The following FBH1 variants were observed in gnomAD, a reference collection of about 807,000 sequenced individuals.
FBH1 encodes the protein F-box DNA helicase 1.
Under a neutral mutation model 115.5 loss-of-function variants are expected in FBH1, and 43 were observed. The ratio of observed to expected loss-of-function variants is 0.37; its 90% CI spans 0.29 to 0.48. The LOEUF is 0.48. Ranked by LOEUF, FBH1 falls within the 20% of genes least tolerant of loss-of-function variation. The pLI is 0.99. For synonymous variants in FBH1, 524 were observed against 507.8 expected (o/e 1.03, Z -0.43); for missense variants, 1,001 against 1,337.3 (o/e 0.75, Z 3.92).
At chr10:5,892,023 A>G (rs1292731409) in intron 1 of FBH1, among the ~76,000 whole-genome samples, 2 of 152,142 alleles carry the variant, frequency 1.3e-5, no homozygotes, top group Non-Finnish European at 2.9e-5. Flanking sequence ...CCCCCTTTGG[A>G]TAACTAAATG....
At chr10:5,891,016 C>A in intron 1 of FBH1, 1 of 264,548 alleles carries the variant, frequency 3.8e-6, no homozygotes, top group Non-Finnish European at 5.9e-6. Flanking sequence ...TTTTTTATTG[C>A]AGTCTGTGGT....
At chr10:5,899,046 ACCTCTTCTAT>A (rs1843176883) in intron 1 of FBH1, among the ~76,000 whole-genome samples, 1 of 152,186 alleles carries the variant, frequency 6.6e-6, no homozygotes, top group Admixed American at 6.5e-5. Flanking sequence ...ATGTGTAGGT[ACCTCTTCTAT>A]ACAAATCTGC....
intron 1 of FBH1, among the ~76,000 whole-genome samples, chr10:5,901,774 G>GGTCTTGA (rs1843361906): frequency 6.6e-6 from 1 of 151,868 alleles, no homozygotes; most frequent in Non-Finnish European, 1.5e-5. Context: ...CATGTTGCCA[G>GGTCTTGA]GCTGGTCTTG....
rs1833059145 is a variant in FBH1 at position 5,933,151 on chromosome 10, G to A, written c.2830-3305G>A. 6.6e-6 allele frequency among the ~76,000 whole-genome samples: 1 copy of A among 152,122 alleles called. No individual in the cohort carries two copies. Among genetic ancestry groups the A allele is most frequent in the South Asian group, 2.1e-4 (1 of 4,832 alleles). On this transcript the variant is annotated intron_variant, in intron 19 of 20. Transcript: ENST00000362091. This position sits in a 1 kb window ranked among gnomAD's most constrained non-coding sequence, Gnocchi z 4.9. ...ACCTGTAATCCCAGTACTTTGGGAG[G>A]CCTAGGAGGGCGGATCACTTGATGT...
intron 2 of FBH1, among the ~76,000 whole-genome samples, chr10:5,904,685 A>AC (rs1473166883): frequency 6.6e-6 from 1 of 152,048 alleles, no homozygotes; most frequent in Non-Finnish European, 1.5e-5. Flanking sequence ...ACATAATGAG[A>AC]CCCCGTCTCT....
chr10:5,909,397 G>T lies in FBH1; in HGVS notation c.1020+103G>T. 1.5e-6 allele frequency: 2 copies of T among 1,327,578 alleles called. No homozygotes were observed. The highest frequency in any genetic ancestry group is 2.0e-6 in the Non-Finnish European group (2 of 989,830). 82.2% of individuals were successfully genotyped at this position (1,327,578 alleles called of 1,614,324 possible). A position where few individuals can be genotyped will look rare whatever the true frequency, so the allele number is the denominator to read the frequency against. ...GGATGACTTTATATTTATTTTTAAT[G>T]TCTGTATTTAATCTCTGAATGCTTT... On this transcript the variant is annotated intron_variant, in intron 5 of 20. Transcript: ENST00000362091. The surrounding 1 kb of genome is among the most constrained non-coding windows in gnomAD (Gnocchi z 4.4).
rs1221523973 is a variant in FBH1 at position 5,909,371 on chromosome 10, A to C, written c.1020+77A>C. ...GTGTACTGGTGATTCAGTTCAATTG[A>C]GGATGACTTTATATTTATTTTTAAT... On this transcript the variant is annotated intron_variant, in intron 5 of 20. Coordinates refer to ENST00000362091, the MANE Select transcript of FBH1 (RefSeq NM_178150.3). This position sits in a 1 kb window ranked among gnomAD's most constrained non-coding sequence, Gnocchi z 4.4. The C allele has an allele frequency of 1.9e-5, 28 of 1,472,148 alleles. No individual in the cohort carries two copies. In the South Asian group the frequency reaches 3.2e-4, roughly 17 times the overall value. 91.2% of individuals were successfully genotyped at this position (1,472,148 alleles called of 1,614,324 possible).
Position 5,915,399 on chromosome 10 carries a change from C to T in FBH1, c.1397-4C>T. 8.7e-6 allele frequency: 14 copies of T among 1,613,994 alleles called. No individual in the cohort carries two copies. Among genetic ancestry groups the T allele is most frequent in the Non-Finnish European group, 1.1e-5 (13 of 1,179,928 alleles). On this transcript the variant is annotated splice_region_variant and splice_polypyrimidine_tract_variant and intron_variant, in intron 8 of 20. Coordinates refer to ENST00000362091, the MANE Select transcript of FBH1 (RefSeq NM_178150.3). The surrounding 1 kb of genome is among the most constrained non-coding windows in gnomAD (Gnocchi z 5.2). ...GTCACCTCCTTTCCTCCTGGCTTCC[C>T]CAGGCACTGGGAAGACCTCAACGCT...
chr10:5,913,906 A>T lies in FBH1; in HGVS notation c.1304+67A>T. On this transcript the variant is annotated intron_variant, in intron 7 of 20. Transcript: ENST00000362091. The surrounding 1 kb of genome is among the most constrained non-coding windows in gnomAD (Gnocchi z 4.4). ...GACTCTTCCTCATACTTAAGGAGGG[A>T]GATGTTTTGCTTCACTTTAGCAACA... 2.3e-6 allele frequency: 3 copies of T among 1,280,506 alleles called. No homozygotes were observed. Among genetic ancestry groups the T allele is most frequent in the Non-Finnish European group, 2.2e-6 (2 of 901,550 alleles). The allele number at this position is 1,280,506 out of a possible 1,614,324, so 79.3% of individuals were successfully genotyped here.
At chr10:5,926,270 C>A (rs58322448) in intron 18 of FBH1, among the ~76,000 whole-genome samples, 12,569 of 152,164 alleles carry the variant, frequency 0.083, 585 homozygotes, top group Middle Eastern at 0.12. Flanking sequence ...CGTGCCACCA[C>A]GCCCAGCTAA....
Position 5,925,105 on chromosome 10 carries a change from C to T in FBH1, c.2597-262C>T, listed in dbSNP as rs547497097. ...TAGATCCAGACGGTGGGTGGAGCCA[C>T]TCTGTCCTCTGGGATGTGATTCCGA... On this transcript the variant is annotated intron_variant, in intron 17 of 20. Coordinates refer to ENST00000362091, the MANE Select transcript of FBH1 (RefSeq NM_178150.3). This position sits in a 1 kb window ranked among gnomAD's most constrained non-coding sequence, Gnocchi z 4.6. Among the ~76,000 whole-genome samples, 1 of 152,334 alleles carries T rather than the reference C, an allele frequency of 6.6e-6. No homozygotes were observed. The highest frequency in any genetic ancestry group is 2.4e-5 in the African/African-American group (1 of 41,574).
chr10:5,891,193 G>C (rs765251831), intron 1 of FBH1: 19 of 985,718 alleles, frequency 1.9e-5, no homozygotes, highest in Non-Finnish European at 2.3e-5. Flanking sequence ...GGTAAAATGA[G>C]CGGAGATAAA....
rs1831472624 is a variant in FBH1, at chr10:5,910,042, G to T, written c.1020+748G>T. On this transcript the variant is annotated intron_variant, in intron 5 of 20. Coordinates refer to ENST00000362091, the MANE Select transcript of FBH1 (RefSeq NM_178150.3). The surrounding 1 kb of genome is among the most constrained non-coding windows in gnomAD (Gnocchi z 4.8). ...CACGCCTGTTATCCCAGCACTTTGT[G>T]AGGCCAAGGCGGGTGGATCACCTGA... is the stretch of plus-strand genomic sequence containing the variant. 1.3e-5 allele frequency among the ~76,000 whole-genome samples: 2 copies of T among 152,180 alleles called. No individual in the cohort carries two copies. Among genetic ancestry groups the T allele is most frequent in the African/African-American group, 4.8e-5 (2 of 41,448 alleles).
intron 2 of FBH1, among the ~76,000 whole-genome samples, chr10:5,904,867 A>G (rs1843601731): frequency 6.6e-6 from 1 of 152,132 alleles, no homozygotes; most frequent in Non-Finnish European, 1.5e-5. Flanking sequence ...ATATAGAAAA[A>G]TATCTGTTTC....
At chr10:5,912,253 A>C (rs1032798077) in intron 6 of FBH1, among the ~76,000 whole-genome samples, 3 of 151,754 alleles carry the variant, frequency 2.0e-5, no homozygotes, top group Non-Finnish European at 1.5e-5. Flanking sequence ...AATCCCAGCT[A>C]CTCGGGAAGC....
At chr10:5,890,749 C>T (rs1388859970) in intron 1 of FBH1, among the ~76,000 whole-genome samples, 1 of 152,134 alleles carries the variant, frequency 6.6e-6, no homozygotes, top group Non-Finnish European at 1.5e-5. Flanking sequence ...CTGCCCTCTG[C>T]CCCTGTGTCA....
rs1240343792 is a variant in FBH1, at chr10:5,915,581, G to A, written c.1565+10G>A. On this transcript the variant is annotated intron_variant, in intron 9 of 20. Coordinates refer to ENST00000362091, the MANE Select transcript of FBH1 (RefSeq NM_178150.3). This position sits in a 1 kb window ranked among gnomAD's most constrained non-coding sequence, Gnocchi z 5.2. Reference sequence around the variant, plus strand: ...GGCACATAGGGCGGAAGTGAGTACTGCTGTCACTAGTGGCACTGTTGCTGC... The same window carrying A: ...GGCACATAGGGCGGAAGTGAGTACTACTGTCACTAGTGGCACTGTTGCTGC... 1.2e-6 allele frequency: 2 copies of A among 1,613,142 alleles called. No homozygotes were observed. The highest frequency in any genetic ancestry group is 1.1e-5 in the South Asian group (1 of 91,050).
At chr10:5,908,869 C>A in intron 3 of FBH1, 56 bp from the exon 4 acceptor site, 5 of 1,598,468 alleles carry the variant, frequency 3.1e-6, no homozygotes, top group Non-Finnish European at 4.3e-6. Context: ...CCTCATTAAT[C>A]TGCTTTCTAA....
chr10:5,891,864 C>T (rs1032429493), intron 1 of FBH1, among the ~76,000 whole-genome samples: 29 of 152,072 alleles, frequency 1.9e-4, no homozygotes, highest in African/African-American at 2.7e-4. Context: ...TCACCCAGCT[C>T]GGCCTCCCAA....
Sources: allele counts gnomAD v4.1 joint callset (sites outside exome capture counted in the v4.1 genomes callset), GRCh38; gene constraint gnomAD v4.1.1; non-coding constraint Gnocchi (gnomAD v3.1); transcripts MANE v1.5; gene names NCBI Gene and HGNC (gene_info 2026-07-23, HGNC 2026-07-21).